Variants in NPAS3 observed in about 807,000 individuals in gnomAD.
NPAS3 encodes neuronal PAS domain protein 3, also known as neuronal PAS domain-containing protein 3.
NPAS3 carries 14 observed loss-of-function variants against 73.1 expected under a neutral mutation model. The ratio of observed to expected loss-of-function variants is 0.19; its 90% CI spans 0.13 to 0.30. The LOEUF is 0.30. Among genes scored for constraint, NPAS3 ranks in the 10% least tolerant of loss-of-function variants. The probability of loss-of-function intolerance (pLI) is 1.00; values close to 1 mark genes in which losing one functional copy is unlikely to be tolerated. For missense variants in NPAS3, 1,096 were observed against 1,250.0 expected (o/e 0.88, Z 1.86); for synonymous variants, 620 against 541.5 (o/e 1.14, Z -2.01).
intron 4 of NPAS3, among the ~76,000 whole-genome samples, chr14:33,456,916 C>A (rs1247800196): frequency 6.6e-6 from 1 of 152,158 alleles, no homozygotes; most frequent in Non-Finnish European, 1.5e-5. Flanking sequence ...GCAACTCAAG[C>A]AGGGGAAGGA....
At chr14:33,712,299 G>A (rs1031406628) in intron 6 of NPAS3, among the ~76,000 whole-genome samples, 4 of 152,156 alleles carry the variant, frequency 2.6e-5, no homozygotes, top group Non-Finnish European at 5.9e-5. Context: ...TGACCAAGAA[G>A]CCAACAGATT....
At chr14:33,070,327 AGCAACTATAT>A (rs1241710400) in intron 2 of NPAS3, among the ~76,000 whole-genome samples, 2 of 151,020 alleles carry the variant, frequency 1.3e-5, no homozygotes, top group African/African-American at 4.9e-5. Flanking sequence ...TCTTATTATC[AGCAACTATAT>A]GGCCTCCAAA....
chr14:33,651,949 C>T (rs1488357127), intron 5 of NPAS3, among the ~76,000 whole-genome samples: 2 of 152,172 alleles, frequency 1.3e-5, no homozygotes, highest in Non-Finnish European at 2.9e-5. Flanking sequence ...GCATGGCAGC[C>T]TGCTACCCAT....
At chr14:33,331,839 C>A (rs2043999466) in intron 3 of NPAS3, among the ~76,000 whole-genome samples, 1 of 152,072 alleles carries the variant, frequency 6.6e-6, no homozygotes, top group Non-Finnish European at 1.5e-5. Flanking sequence ...TACGTAAGGC[C>A]CAGGGCCACG....
At chr14:33,024,014 CTTTAG>C (rs1419186536) in intron 1 of NPAS3, among the ~76,000 whole-genome samples, 2 of 152,034 alleles carry the variant, frequency 1.3e-5, no homozygotes, top group African/African-American at 4.8e-5. Context: ...AAACCAGACA[CTTTAG>C]TTTGTTTTTG....
chr14:32,965,380 C>G (rs2037108164), intron 1 of NPAS3, among the ~76,000 whole-genome samples: 1 of 152,186 alleles, frequency 6.6e-6, no homozygotes, highest in African/African-American at 2.4e-5. Flanking sequence ...GGGATTCATC[C>G]TTGAGATGCA....
chr14:33,641,665 C>T (rs529864215), intron 5 of NPAS3, among the ~76,000 whole-genome samples: 1 of 151,964 alleles, frequency 6.6e-6, no homozygotes, highest in Admixed American at 6.6e-5. Context: ...TTTGTTTAAG[C>T]TTCTGGTAAT....
At chr14:33,774,671 C>G (rs1357878901) in intron 8 of NPAS3, 141 bp downstream of exon 8, 1 of 641,174 alleles carries the variant, frequency 1.6e-6, no homozygotes, top group African/African-American at 1.8e-5. Context: ...CTTGGACTGA[C>G]ACCAAACATG....
chr14:33,071,056 C>G (rs2041468559), intron 2 of NPAS3, among the ~76,000 whole-genome samples: 1 of 152,104 alleles, frequency 6.6e-6, no homozygotes, highest in Admixed American at 6.5e-5. Flanking sequence ...TAGGTTTGTT[C>G]TACGCTACCT....
intron 4 of NPAS3, among the ~76,000 whole-genome samples, chr14:33,451,312 G>A (rs1055393032): frequency 2.6e-5 from 4 of 152,170 alleles, no homozygotes; most frequent in African/African-American, 9.7e-5. Flanking sequence ...TGAGTTCAAA[G>A]TCTCTAGGCA....
chr14:33,633,416 G>A (rs1285786031), intron 5 of NPAS3, among the ~76,000 whole-genome samples: 1 of 152,110 alleles, frequency 6.6e-6, no homozygotes, highest in African/African-American at 2.4e-5. Flanking sequence ...TTAATGATGG[G>A]AATATGTTCT....
chr14:33,031,329 A>C (rs1287620786), intron 1 of NPAS3, among the ~76,000 whole-genome samples: 2 of 152,216 alleles, frequency 1.3e-5, no homozygotes, highest in Non-Finnish European at 2.9e-5. Context: ...AAGGAAGTTT[A>C]TTATCCAGTT....
At chr14:33,591,641 A>G (rs1170117410) in intron 5 of NPAS3, among the ~76,000 whole-genome samples, 2 of 152,226 alleles carry the variant, frequency 1.3e-5, no homozygotes, top group East Asian at 3.9e-4. Flanking sequence ...GAATTCTTAT[A>G]GAAACCATGT....
At chr14:33,645,034 T>C (rs980722385) in intron 5 of NPAS3, among the ~76,000 whole-genome samples, 6 of 149,352 alleles carry the variant, frequency 4.0e-5, no homozygotes, top group Non-Finnish European at 7.4e-5. Context: ...TGAGCTGAGA[T>C]TGCACCACCA....
At chr14:33,250,667 G>A (rs1436506509) in intron 3 of NPAS3, among the ~76,000 whole-genome samples, 1 of 152,040 alleles carries the variant, frequency 6.6e-6, no homozygotes, top group Non-Finnish European at 1.5e-5. Flanking sequence ...TTCAAAATTG[G>A]TAATTATTCA....
chr14:33,716,999 A>G (rs9806085), intron 6 of NPAS3, among the ~76,000 whole-genome samples: 3,376 of 152,104 alleles, frequency 0.022, 114 homozygotes, highest in African/African-American at 0.077. Context: ...AAGAAATATG[A>G]CTCTAAAATG....
intron 3 of NPAS3, among the ~76,000 whole-genome samples, chr14:33,299,172 C>G (rs879033005): frequency 7.9e-5 from 12 of 152,156 alleles, no homozygotes; most frequent in Non-Finnish European, 1.6e-4. Context: ...ACTTTGGCCA[C>G]GTAGTGTTCA....
At chr14:33,194,900 A>G (rs2046295985) in intron 2 of NPAS3, among the ~76,000 whole-genome samples, 1 of 152,212 alleles carries the variant, frequency 6.6e-6, no homozygotes, top group Non-Finnish European at 1.5e-5. Flanking sequence ...TTTAGGAAGA[A>G]GTAGCATTTA....
At chr14:33,147,920 A>G (rs114076267) in intron 2 of NPAS3, among the ~76,000 whole-genome samples, 4,909 of 152,006 alleles carry the variant, frequency 0.032, 110 homozygotes, top group African/African-American at 0.061. Flanking sequence ...ATTGAAAGAA[A>G]GCTTTTGTAC....
Sources: allele counts gnomAD v4.1 joint callset (sites outside exome capture counted in the v4.1 genomes callset), GRCh38; gene constraint gnomAD v4.1.1; transcripts MANE v1.5; gene names NCBI Gene and HGNC (gene_info 2026-07-23, HGNC 2026-07-21).